The following EPHA6 variants were observed in gnomAD, a reference collection of about 807,000 sequenced individuals.
EPHA6 encodes EPH receptor A6, also known as ephrin type-A receptor 6.
EPHA6 carries 50 observed loss-of-function variants against 112.0 expected under a neutral mutation model. The observed-to-expected ratio is 0.45, with a 90% CI of 0.36 to 0.56. EPHA6 has a LOEUF of 0.56. Among genes scored for constraint, EPHA6 ranks in the 20% least tolerant of loss-of-function variants. The pLI is 0.00. For missense variants in EPHA6, 1,280 were observed against 1,417.4 expected, an observed-to-expected ratio of 0.90 and a Z score of 1.56; for synonymous variants, 529 against 490.7, an observed-to-expected ratio of 1.08 and a Z score of -1.03.
chr3:97,377,418 T>C (rs1318241638), intron 5 of EPHA6, among the ~76,000 whole-genome samples: 1 of 152,146 alleles, frequency 6.6e-6, no homozygotes, highest in Non-Finnish European at 1.5e-5. Flanking sequence ...TATTTCTTTA[T>C]CAGTAGCATG....
At chr3:97,188,771 A>G (rs1343669190) in intron 3 of EPHA6, among the ~76,000 whole-genome samples, 3 of 151,986 alleles carry the variant, frequency 2.0e-5, no homozygotes, top group Non-Finnish European at 4.4e-5. Context: ...AAAAATATGT[A>G]CAGAGTTATA....
At chr3:97,299,594 A>G (rs145913827) in intron 5 of EPHA6, among the ~76,000 whole-genome samples, 44 of 152,286 alleles carry the variant, frequency 2.9e-4, no homozygotes, top group African/African-American at 9.9e-4. Flanking sequence ...AAGTTTTAAG[A>G]ACACTGAATG....
intron 11 of EPHA6, among the ~76,000 whole-genome samples, chr3:97,557,309 AG>A (rs1169224938): frequency 1.3e-5 from 2 of 152,008 alleles, no homozygotes; most frequent in African/African-American, 4.8e-5. Context: ...TATTTGTAAA[AG>A]CACCTGATTA....
intron 2 of EPHA6, among the ~76,000 whole-genome samples, chr3:96,935,726 TATATATATATA>T (rs2040547228): frequency 8.1e-6 from 1 of 123,064 alleles, no homozygotes; most frequent in Non-Finnish European, 1.6e-5. Flanking sequence ...ATATATACAT[TATATATATATA>T]ATATATATGC....
rs182447539 is a variant in EPHA6 at position 96,981,963 on chromosome 3, T to G, written c.451-5367T>G. On this transcript the variant is annotated intron_variant, in intron 2 of 17. Transcript: ENST00000389672. ...TCTCTCTTTTCTTCTTTATTAGTCC[T>G]GCTAGCGGTCTATCAATTTTGTTGA... Among the ~76,000 whole-genome samples the G allele has an allele frequency of 1.6e-4, 24 of 152,270 alleles. No individual in the cohort carries two copies. In the East Asian group the frequency reaches 4.0e-3, roughly 26 times the overall value.
intron 5 of EPHA6, among the ~76,000 whole-genome samples, chr3:97,262,896 T>C (rs952237542): frequency 1.3e-5 from 2 of 152,190 alleles, no homozygotes; most frequent in African/African-American, 2.4e-5. Context: ...ATTTGTTGAA[T>C]GTATGAATGC....
intron 5 of EPHA6, among the ~76,000 whole-genome samples, chr3:97,397,030 T>C (rs1300432421): frequency 6.6e-6 from 1 of 151,782 alleles, no homozygotes; most frequent in African/African-American, 2.4e-5. Flanking sequence ...CCATTTCAGC[T>C]ATCTATTCAA....
intron 3 of EPHA6, among the ~76,000 whole-genome samples, chr3:97,000,565 G>C (rs1002326266): frequency 3.3e-5 from 5 of 151,572 alleles, no homozygotes; most frequent in Non-Finnish European, 7.4e-5. Context: ...CTCTAGCTCT[G>C]TTATCACCTG....
At chr3:97,344,340 T>C (rs2083441236) in intron 5 of EPHA6, among the ~76,000 whole-genome samples, 2 of 152,056 alleles carry the variant, frequency 1.3e-5, no homozygotes, top group Non-Finnish European at 2.9e-5. Flanking sequence ...ATAATAATAG[T>C]AAAATTGAAG....
chr3:97,479,362 A>T lies in EPHA6; in HGVS notation c.2072A>T (p.His691Leu). ...AGAAGAAACCACTTACAGAATGGGC[A>T]TTGTAAGTAGCGCAGGGACTTTCTT... is the stretch of plus-strand genomic sequence containing the variant. The part of the protein sequence containing the change: ...EKRRNHLQNG[H>L]LRFPGIKTYI... Residue 691 changes from histidine to leucine, a missense_variant and splice_region_variant, in exon 9 of 18, where the codon CAT becomes CTT. By Grantham distance (99) the His-to-Leu change is moderately conservative. Transcript: ENST00000389672. 1.2e-6 allele frequency: 2 copies of T among 1,600,422 alleles called. No homozygotes were observed. The highest frequency in any genetic ancestry group is 1.7e-6 in the Non-Finnish European group (2 of 1,173,444).
At chr3:97,687,926 G>C (rs930325182) in intron 14 of EPHA6, among the ~76,000 whole-genome samples, 1 of 152,154 alleles carries the variant, frequency 6.6e-6, no homozygotes, top group Non-Finnish European at 1.5e-5. Flanking sequence ...AGAGTGATTA[G>C]CCAAACAATG....
chr3:97,108,543 T>A (rs1454705229), intron 3 of EPHA6, among the ~76,000 whole-genome samples: 1 of 152,182 alleles, frequency 6.6e-6, no homozygotes. Flanking sequence ...AATGTTTGTG[T>A]AATGCTTCAT....
chr3:97,094,710 C>T (rs1252562709), intron 3 of EPHA6, among the ~76,000 whole-genome samples: 2 of 152,052 alleles, frequency 1.3e-5, no homozygotes, highest in African/African-American at 4.8e-5. Context: ...TTCTTTTAGT[C>T]TTGCTACATA....
chr3:97,546,853 A>G (rs9833009), intron 11 of EPHA6, among the ~76,000 whole-genome samples: 42,645 of 152,030 alleles, frequency 0.28, 9,354 homozygotes, highest in African/African-American at 0.6. Context: ...CCAGTTGATC[A>G]CAGCGGCTAC....
chr3:96,854,325 G>A (rs1184725060), intron 1 of EPHA6, among the ~76,000 whole-genome samples: 1 of 151,458 alleles, frequency 6.6e-6, no homozygotes, highest in Non-Finnish European at 1.5e-5. Flanking sequence ...GACTACAGGT[G>A]CACGCCACCA....
chr3:97,053,037 G>A (rs1042982805), intron 3 of EPHA6, among the ~76,000 whole-genome samples: 3 of 152,076 alleles, frequency 2.0e-5, no homozygotes, highest in African/African-American at 4.8e-5. Context: ...ATATTATCTG[G>A]CCCTTTACAG....
chr3:97,668,187 T>TA (rs1319140545), intron 14 of EPHA6, among the ~76,000 whole-genome samples: 4 of 152,208 alleles, frequency 2.6e-5, no homozygotes, highest in African/African-American at 9.7e-5. Flanking sequence ...CTTCAAAGTA[T>TA]AATGAGAGCA....
intron 10 of EPHA6, among the ~76,000 whole-genome samples, chr3:97,526,696 A>G (rs2092625566): frequency 6.6e-6 from 1 of 152,174 alleles, no homozygotes; most frequent in African/African-American, 2.4e-5. Flanking sequence ...AGGTCCCTTC[A>G]GGATCTGTTA....
intron 3 of EPHA6, among the ~76,000 whole-genome samples, chr3:97,147,051 G>C (rs889533458): frequency 6.6e-6 from 1 of 151,866 alleles, no homozygotes; most frequent in African/African-American, 2.4e-5. Flanking sequence ...GGCAAAGCAC[G>C]CTGGCATCAT....
Sources: gnomAD v4.1 joint callset for allele counts (sites outside exome capture counted in the v4.1 genomes callset) on GRCh38, gnomAD v4.1.1 for gene constraint, MANE v1.5 for transcripts, NCBI Gene and HGNC (gene_info 2026-07-23, HGNC 2026-07-21) for gene names.